The following DUSP7 variants were observed in gnomAD, a reference collection of about 807,000 sequenced individuals.
The protein encoded by DUSP7 is dual specificity phosphatase 7.
In DUSP7, 7 loss-of-function variants were observed where a neutral mutation model predicts 29.8. The observed-to-expected ratio is 0.24, with a 90% CI of 0.13 to 0.44. DUSP7 has a LOEUF of 0.44. DUSP7 is among the 20% of genes least tolerant of loss of function. The pLI is 1.00. For missense variants in DUSP7, 400 were observed against 583.7 expected (o/e 0.69, Z 3.24); for synonymous variants, 287 against 275.4 (o/e 1.04, Z -0.42).
rs1012007146 is a variant in DUSP7, at chr3:52,054,564, A to G, written c.518-190T>C. ...TCCATCTAAACCATGACCACTTCACAGATAAGGAAACTGAGGCCCCAGAAG... is the reference window on the plus strand; with the variant it reads ...TCCATCTAAACCATGACCACTTCACGGATAAGGAAACTGAGGCCCCAGAAG... On this transcript the variant is annotated intron_variant, in intron 1 of 2. Transcript: ENST00000495880. This position sits in a 1 kb window ranked among gnomAD's most constrained non-coding sequence, Gnocchi z 4.1. 6.6e-5 allele frequency among the ~76,000 whole-genome samples: 10 copies of G among 152,162 alleles called. No homozygotes were observed. Among genetic ancestry groups the G allele is most frequent in the African/African-American group, 2.4e-4 (10 of 41,424 alleles).
In DUSP7 at chr3:52,054,322, C is replaced by T. The variant is rs781684654; in HGVS notation, c.570G>A (p.Val190=). Residue 190 remains valine (V), a synonymous_variant, in exon 2 of 3, where the codon GTG becomes GTA. Transcript: ENST00000495880. The surrounding 1 kb of genome is among the most constrained non-coding windows in gnomAD (Gnocchi z 4.1). ...AGCTGCTCGGCGAGGAAGAGCTGTC[C>T]ACGTTGGTCTCGCAGTGCTCAGAGT... ...TEYSEHCETN[V]DSSSSPSSSP... is the part of the protein sequence containing the mutation. 2 of 1,571,010 alleles carry T rather than the reference C, an allele frequency of 1.3e-6. No homozygotes were observed. Among genetic ancestry groups the T allele is most frequent in the East Asian group, 2.2e-5 (1 of 44,522 alleles).
rs749227387 is a variant in DUSP7, at chr3:52,050,923, C to T, written c.1152G>A (p.Thr384=). The change falls in exon 3 of 3, where the codon ACG becomes ACA. Residue 384 remains threonine, a synonymous_variant. Transcript: ENST00000495880. This position sits in a 1 kb window ranked among gnomAD's most constrained non-coding sequence, Gnocchi z 5.0. ...FMGQLLDFER[T]LGLSSPCDNH... The stretch of plus-strand genomic sequence containing the variant: ...TGTCGCACGGGCTGCTTAGCCCCAG[C>T]GTCCGCTCAAAGTCCAGCAGCTGCC... 4 of 1,614,150 alleles carry T rather than the reference C, an allele frequency of 2.5e-6. No individual in the cohort carries two copies. The highest frequency in any genetic ancestry group is 3.4e-6 in the Non-Finnish European group (4 of 1,180,064).
chr3:52,055,787 G>A lies in DUSP7; in HGVS notation c.517+63C>T, dbSNP rs372444938. ...CGCGTGGAGAGGAAAGCGCCTCCAA[G>A]GGGGGCGTCAGGGAGTCGCGGGGGG... On this transcript the variant is annotated intron_variant, in intron 1 of 2. Coordinates refer to ENST00000495880, the MANE Select transcript of DUSP7 (RefSeq NM_001947.4). 20 of 1,461,502 alleles carry A rather than the reference G, an allele frequency of 1.4e-5. No homozygotes were observed. The Middle Eastern group carries it at 7.5e-4, about 55-fold the overall frequency. 90.5% of individuals were successfully genotyped at this position (1,461,502 alleles called of 1,614,324 possible).
At position 52,053,016 on chromosome 3, in the gene DUSP7, T is replaced by C. The variant is rs1204718425; in HGVS notation, c.952+924A>G. On this transcript the variant is annotated intron_variant, in intron 2 of 2. Transcript: ENST00000495880. This position sits in a 1 kb window ranked among gnomAD's most constrained non-coding sequence, Gnocchi z 4.6. The stretch of plus-strand genomic sequence containing the variant: ...TGAGGCGGGGAAGCCTCCCACTTCC[T>C]GTTGTTAAAGCTAGCCCAGCCCAGC... The C allele has an allele frequency of 6.6e-6, 1 of 152,330 alleles. No individual in the cohort carries two copies. The highest frequency in any genetic ancestry group is 1.5e-5 in the Non-Finnish European group (1 of 68,160). The allele number at this position is 152,330 out of a possible 1,614,324, so 9.4% of individuals were successfully genotyped here. A position where few individuals can be genotyped will look rare whatever the true frequency, so the allele number is the denominator to read the frequency against.
intron 1 of DUSP7, 37 bp downstream of exon 1, chr3:52,055,813 G>GA: frequency 1.3e-6 from 2 of 1,488,156 alleles, no homozygotes; most frequent in Non-Finnish European, 1.8e-6. Context: ...TCGCGGGGGG[G>GA]CCCCGATCCC....
Position 52,054,163 on chromosome 3 carries a change from G to C in DUSP7, c.729C>G (p.Ala243=). The part of the protein sequence containing the change: ...DGSPVPSSQP[A]FPVQILPYLY... ...GGTAGGGCAGGATCTGGACAGGGAA[G>C]GCTGGTTGGCTGGATGGCACAGGGC... The change falls in exon 2 of 3, where the codon GCC becomes GCG. Residue 243 remains alanine, a synonymous_variant. Coordinates refer to ENST00000495880, the MANE Select transcript of DUSP7 (RefSeq NM_001947.4). The surrounding 1 kb of genome is among the most constrained non-coding windows in gnomAD (Gnocchi z 4.1). 1 of 1,614,174 alleles carries C rather than the reference G, an allele frequency of 6.2e-7. No homozygotes were observed. Among genetic ancestry groups the C allele is most frequent in the Non-Finnish European group, 8.5e-7 (1 of 1,180,008 alleles).
At position 52,051,241 on chromosome 3, in the gene DUSP7, CCT is replaced by C. The variant is rs987459741; in HGVS notation, c.953-121_953-120del. The stretch of plus-strand genomic sequence containing the variant: ...GGTGGCTGGCTGGTCTTGCCCGACC[CCT>C]GAGGGACCTGGCCAAGCCCAGTGTG... On this transcript the variant is annotated intron_variant, in intron 2 of 2. Coordinates refer to ENST00000495880, the MANE Select transcript of DUSP7 (RefSeq NM_001947.4). The surrounding 1 kb of genome is among the most constrained non-coding windows in gnomAD (Gnocchi z 4.8). 10 of 1,182,708 alleles carry C rather than the reference CCT, an allele frequency of 8.5e-6. 1 individual carries two copies. In the South Asian group the frequency reaches 1.1e-4, roughly 13 times the overall value. 73.3% of individuals were successfully genotyped at this position (1,182,708 alleles called of 1,614,324 possible).
chr3:52,053,586 C>T lies in DUSP7; in HGVS notation c.952+354G>A, dbSNP rs147062032. ...GAGACACGTGTGCTGAGGCGTGATG[C>T]GGAGCAAGTGAGACCCGTGGGAGGT... On this transcript the variant is annotated intron_variant, in intron 2 of 2. Transcript: ENST00000495880. The surrounding 1 kb of genome is among the most constrained non-coding windows in gnomAD (Gnocchi z 4.6). The T allele has an allele frequency of 1.2e-3, 373 of 307,594 alleles. 6 individuals carry two copies. In the East Asian group the frequency reaches 0.024, roughly 19 times the overall value. 19.1% of individuals were successfully genotyped at this position (307,594 alleles called of 1,614,324 possible). A position where few individuals can be genotyped will look rare whatever the true frequency, so the allele number is the denominator to read the frequency against.
In DUSP7 at chr3:52,056,118, G is replaced by A; in HGVS notation, c.249C>T (p.Phe83=). ...LLLDCRPHEL[F]ESSHIETAIN... ...TGGCCGTCTCGATGTGCGACGACTC[G>A]AAGAGCTCGTGCGGCCGGCAGTCGA... Residue 83 remains phenylalanine (F), a synonymous_variant, in exon 1 of 3, where the codon TTC becomes TTT. Coordinates refer to ENST00000495880, the MANE Select transcript of DUSP7 (RefSeq NM_001947.4). The surrounding 1 kb of genome is among the most constrained non-coding windows in gnomAD (Gnocchi z 6.4). The A allele has an allele frequency of 1.9e-6, 3 of 1,605,666 alleles. No individual in the cohort carries two copies. Among genetic ancestry groups the A allele is most frequent in the Non-Finnish European group, 2.5e-6 (3 of 1,178,576 alleles).
chr3:52,050,796 GC>G lies in DUSP7; in HGVS notation c.*18del, dbSNP rs752292036. 13 of 1,599,916 alleles carry G rather than the reference GC, an allele frequency of 8.1e-6. No individual in the cohort carries two copies. The highest frequency in any genetic ancestry group is 2.2e-5 in the East Asian group (1 of 44,608). ...GAGCCGAGCAGGGGCCTGGTGCCAT[GC>G]CCCCCGTGCACCAGGCCTCACGTGG... On this transcript the variant is annotated 3_prime_UTR_variant, in exon 3 of 3. Transcript: ENST00000495880. The surrounding 1 kb of genome is among the most constrained non-coding windows in gnomAD (Gnocchi z 5.0).
rs377005639 is a variant in DUSP7, at chr3:52,050,805, G to A, written c.*10C>T. 5.0e-5 allele frequency: 80 copies of A among 1,604,538 alleles called. No individual in the cohort carries two copies. The highest frequency in any genetic ancestry group is 6.1e-5 in the Non-Finnish European group (71 of 1,172,586). On this transcript the variant is annotated 3_prime_UTR_variant, in exon 3 of 3. Transcript: ENST00000495880. The surrounding 1 kb of genome is among the most constrained non-coding windows in gnomAD (Gnocchi z 5.0). ...AGGGGCCTGGTGCCATGCCCCCCGTGCACCAGGCCTCACGTGGACTCCAGC... is the reference window on the plus strand; with the variant it reads ...AGGGGCCTGGTGCCATGCCCCCCGTACACCAGGCCTCACGTGGACTCCAGC...
intron 1 of DUSP7, among the ~76,000 whole-genome samples, chr3:52,055,487 G>C (rs1013814819): frequency 1.3e-5 from 2 of 152,204 alleles, no homozygotes; most frequent in African/African-American, 4.8e-5. Flanking sequence ...CGAATTCTAG[G>C]CTGGACTTGG....
At position 52,049,781 on chromosome 3, in the gene DUSP7, G is replaced by GAA. The variant is rs1327266686; in HGVS notation, c.*1032_*1033dup. ...GAGAGAGAAAGAGAGAGAGGGAGAG[G>GAA]AAGAGAGAGAGACAGACAGACAGAC... On this transcript the variant is annotated 3_prime_UTR_variant, in exon 3 of 3. Transcript: ENST00000495880. 1 of 151,924 alleles carries GAA rather than the reference G, an allele frequency of 6.6e-6. No homozygotes were observed. The highest frequency in any genetic ancestry group is 1.5e-5 in the Non-Finnish European group (1 of 67,968). The allele number at this position is 151,924 out of a possible 1,614,324, so 9.4% of individuals were successfully genotyped here. A position where few individuals can be genotyped will look rare whatever the true frequency, so the allele number is the denominator to read the frequency against.
Position 52,051,270 on chromosome 3 carries a change from G to A in DUSP7, c.953-148C>T. On this transcript the variant is annotated intron_variant, in intron 2 of 2. Transcript: ENST00000495880. This position sits in a 1 kb window ranked among gnomAD's most constrained non-coding sequence, Gnocchi z 4.8. The stretch of plus-strand genomic sequence containing the variant: ...AGGGACCTGGCCAAGCCCAGTGTGG[G>A]TAGGGCAGCAACTTGGAATAGAGGT... 1.2e-6 allele frequency: 1 copy of A among 842,336 alleles called. No homozygotes were observed. The highest frequency in any genetic ancestry group is 1.8e-5 in the South Asian group (1 of 56,186). The allele number at this position is 842,336 out of a possible 1,614,324, so 52.2% of individuals were successfully genotyped here.
Position 52,054,844 on chromosome 3 carries a change from G to C in DUSP7, c.518-470C>G, listed in dbSNP as rs1211790508. 3.3e-5 allele frequency among the ~76,000 whole-genome samples: 5 copies of C among 152,340 alleles called. No homozygotes were observed. Among genetic ancestry groups the C allele is most frequent in the African/African-American group, 1.2e-4 (5 of 41,572 alleles). ...ACCACAGGTGCCAGAGCCACATCTG[G>C]CTCAGTTAGAGGCAGAGAGGTCCTG... On this transcript the variant is annotated intron_variant, in intron 1 of 2. Coordinates refer to ENST00000495880, the MANE Select transcript of DUSP7 (RefSeq NM_001947.4). This position sits in a 1 kb window ranked among gnomAD's most constrained non-coding sequence, Gnocchi z 4.1.
At position 52,053,547 on chromosome 3, in the gene DUSP7, A is replaced by C; in HGVS notation, c.952+393T>G. ...TTAAAGCCCAAAGAGGCACTATGACAACCCCATCCTGGAGAGACACGTGTG... is the reference window on the plus strand; with the variant it reads ...TTAAAGCCCAAAGAGGCACTATGACCACCCCATCCTGGAGAGACACGTGTG... On this transcript the variant is annotated intron_variant, in intron 2 of 2. Coordinates refer to ENST00000495880, the MANE Select transcript of DUSP7 (RefSeq NM_001947.4). The surrounding 1 kb of genome is among the most constrained non-coding windows in gnomAD (Gnocchi z 4.6). The C allele has an allele frequency of 4.1e-6, 1 of 245,818 alleles. No individual in the cohort carries two copies. Among genetic ancestry groups the C allele is most frequent in the Non-Finnish European group, 8.0e-6 (1 of 124,444 alleles). 15.2% of individuals were successfully genotyped at this position (245,818 alleles called of 1,614,324 possible). A position where few individuals can be genotyped will look rare whatever the true frequency, so the allele number is the denominator to read the frequency against.
rs950794123 is a variant in DUSP7 at position 52,051,241 on chromosome 3, C to T, written c.953-119G>A. On this transcript the variant is annotated intron_variant, in intron 2 of 2. Coordinates refer to ENST00000495880, the MANE Select transcript of DUSP7 (RefSeq NM_001947.4). This position sits in a 1 kb window ranked among gnomAD's most constrained non-coding sequence, Gnocchi z 4.8. Reference sequence around the variant, plus strand: ...GGTGGCTGGCTGGTCTTGCCCGACCCCTGAGGGACCTGGCCAAGCCCAGTG... The same window carrying T: ...GGTGGCTGGCTGGTCTTGCCCGACCTCTGAGGGACCTGGCCAAGCCCAGTG... 8.5e-7 allele frequency: 1 copy of T among 1,182,706 alleles called. No individual in the cohort carries two copies. Among genetic ancestry groups the T allele is most frequent in the Admixed American group, 2.6e-5 (1 of 38,962 alleles). 73.3% of individuals were successfully genotyped at this position (1,182,706 alleles called of 1,614,324 possible). A position where few individuals can be genotyped will look rare whatever the true frequency, so the allele number is the denominator to read the frequency against.
rs955914532 is a variant in DUSP7 at position 52,050,215 on chromosome 3, CGTCT to C, written c.*596_*599del. 2.0e-5 allele frequency: 3 copies of C among 152,106 alleles called. No individual in the cohort carries two copies. The highest frequency in any genetic ancestry group is 7.2e-5 in the African/African-American group (3 of 41,418). 9.4% of individuals were successfully genotyped at this position (152,106 alleles called of 1,614,324 possible). A position where few individuals can be genotyped will look rare whatever the true frequency, so the allele number is the denominator to read the frequency against. The stretch of plus-strand genomic sequence containing the variant: ...ACGCATTTGGTCAAGGTCAACATGG[CGTCT>C]GTCTTTTCCATTAAAAAACAAAAAC... On this transcript the variant is annotated 3_prime_UTR_variant, in exon 3 of 3. Coordinates refer to ENST00000495880, the MANE Select transcript of DUSP7 (RefSeq NM_001947.4). This position sits in a 1 kb window ranked among gnomAD's most constrained non-coding sequence, Gnocchi z 5.0.
chr3:52,054,154 G>C lies in DUSP7; in HGVS notation c.738C>G (p.Val246=), dbSNP rs769412441. 2 of 1,614,210 alleles carry C rather than the reference G, an allele frequency of 1.2e-6. No individual in the cohort carries two copies. Among genetic ancestry groups the C allele is most frequent in the East Asian group, 4.5e-5 (2 of 44,890 alleles). ...CGAGGTAGAGGTAGGGCAGGATCTG[G>C]ACAGGGAAGGCTGGTTGGCTGGATG... ...PVPSSQPAFP[V]QILPYLYLGC... Residue 246 remains valine (V), a synonymous_variant, in exon 2 of 3, where the codon GTC becomes GTG. Transcript: ENST00000495880. The surrounding 1 kb of genome is among the most constrained non-coding windows in gnomAD (Gnocchi z 4.1).
Sources: gnomAD v4.1 joint callset for allele counts (sites outside exome capture counted in the v4.1 genomes callset) on GRCh38, gnomAD v4.1.1 for gene constraint, Gnocchi (gnomAD v3.1) non-coding constraint, MANE v1.5 for transcripts, NCBI Gene and HGNC (gene_info 2026-07-23, HGNC 2026-07-21) for gene names.